Variants in CDYL observed in about 807,000 individuals in gnomAD.
CDYL encodes the protein chromodomain Y-like protein.
A neutral mutation model predicts 47.3 loss-of-function variants in CDYL; 8 were observed. The observed-to-expected ratio is 0.17, with a 90% confidence interval of 0.10 to 0.31. The LOEUF (loss-of-function observed/expected upper bound fraction) is 0.31, where lower values mean the gene tolerates loss of function less well. Ranked by LOEUF, CDYL falls within the 10% of genes least tolerant of loss-of-function variation. The pLI is 1.00. For synonymous variants in CDYL, 266 were observed against 265.0 expected (o/e 1.00, Z -0.04); for missense variants, 471 against 701.4 (o/e 0.67, Z 3.71).
In CDYL at chr6:4,782,178, G is replaced by A. The variant is rs6907680; in HGVS notation, c.24+5371G>A. ...TTGTTAACTGAGTAATTCCAGGAAG[G>A]GAATATTAAAAACATCAGGTAGTTA... On this transcript the variant is annotated intron_variant, in intron 1 of 6. Transcript: ENST00000397588. Among the ~76,000 whole-genome samples, 1,016 of 152,144 alleles carry A rather than the reference G, an allele frequency of 6.7e-3. 18 individuals are homozygous for A. The highest frequency in any genetic ancestry group is 0.023 in the African/African-American group (957 of 41,492).
At chr6:4,776,858 C>T (rs1452391827) in intron 1 of CDYL, 51 bp downstream of exon 1, 13 of 751,296 alleles carry the variant, frequency 1.7e-5, no homozygotes, top group Non-Finnish European at 2.1e-5. Context: ...CCGCCCCTCC[C>T]GGCCCGGCCG....
chr6:4,769,034 A>C (rs941139521), intron 3 of CDYL, among the ~76,000 whole-genome samples: 2 of 152,238 alleles, frequency 1.3e-5, no homozygotes, highest in Non-Finnish European at 2.9e-5. Flanking sequence ...CATCAAAAAC[A>C]AGAAAAGCCT....
chr6:4,784,137 A>G (rs977422633), intron 1 of CDYL, among the ~76,000 whole-genome samples: 14 of 152,202 alleles, frequency 9.2e-5, no homozygotes, highest in African/African-American at 3.4e-4. Flanking sequence ...TTATTCAACC[A>G]TTGAGTTTTA....
chr6:4,941,322 T>A (rs1319990967), intron 4 of CDYL, among the ~76,000 whole-genome samples: 1 of 152,246 alleles, frequency 6.6e-6, no homozygotes, highest in Non-Finnish European at 1.5e-5. Context: ...TGTGCCTTGA[T>A]TTGCAGCTCC....
At chr6:4,824,781 C>A (rs1759932427) in intron 1 of CDYL, among the ~76,000 whole-genome samples, 2 of 151,700 alleles carry the variant, frequency 1.3e-5, no homozygotes, top group South Asian at 4.2e-4. Flanking sequence ...CCAACTGTTT[C>A]TTTTTCAAGA....
intron 1 of CDYL, among the ~76,000 whole-genome samples, chr6:4,785,405 T>G (rs1758729844): frequency 6.6e-6 from 1 of 152,228 alleles, no homozygotes. Context: ...GTAGGCTCTC[T>G]GCTATGTGAA....
rs370203311 is a variant in CDYL at position 4,706,443 on chromosome 6, CATTT to C, written c.-39+193_-39+196del. Reference sequence around the variant, plus strand: ...AGTTTGGGTGGTTTTTTTTTCTTTTCATTTGTTTGTTTGTTTTTTGCCACATCAG... The same window carrying C: ...AGTTTGGGTGGTTTTTTTTTCTTTTCGTTTGTTTGTTTTTTGCCACATCAG... On this transcript the variant is annotated intron_variant, in intron 1 of 8. Coordinates refer to the CDYL transcript ENST00000328908. 1.3e-3 allele frequency among the ~76,000 whole-genome samples: 189 copies of C among 150,726 alleles called. 1 individual carries two copies. The highest frequency in any genetic ancestry group is 4.4e-3 in the African/African-American group (180 of 41,062).
intron 1 of CDYL, among the ~76,000 whole-genome samples, chr6:4,842,652 T>C (rs752981846): frequency 3.3e-5 from 5 of 152,172 alleles, no homozygotes; most frequent in African/African-American, 4.8e-5. Context: ...TAAGTTTATG[T>C]GAGTACTTAT....
chr6:4,721,104 A>C (rs1561822360), intron 2 of CDYL, among the ~76,000 whole-genome samples: 1 of 152,192 alleles, frequency 6.6e-6, no homozygotes, highest in Non-Finnish European at 1.5e-5. Context: ...TATGCTTTTC[A>C]TAATATGTCA....
chr6:4,890,490 A>G (rs1762012714), intron 1 of CDYL, among the ~76,000 whole-genome samples: 1 of 152,154 alleles, frequency 6.6e-6, no homozygotes, highest in Admixed American at 6.5e-5. Context: ...AAGCAATAAT[A>G]TGTATTTAAT....
chr6:4,910,699 C>T lies in CDYL; in HGVS notation c.691+18320C>T, dbSNP rs143136896. Among the ~76,000 whole-genome samples the T allele has an allele frequency of 1.2e-4, 18 of 152,288 alleles. No individual in the cohort carries two copies. The South Asian group carries it at 2.9e-3, about 25-fold the overall frequency. On this transcript the variant is annotated intron_variant, in intron 2 of 6. Transcript: ENST00000397588. ...ACTATGAAGAGGGAAAAGGTGTCTC[C>T]GTGGGCCTGGAAGGATTAGTCGGGT...
At chr6:4,872,597 C>T (rs996014108) in intron 1 of CDYL, among the ~76,000 whole-genome samples, 1 of 152,004 alleles carries the variant, frequency 6.6e-6, no homozygotes, top group African/African-American at 2.4e-5. Context: ...TCAGGCTGGT[C>T]TCAAACTCCT....
chr6:4,709,283 C>T (rs1705403520), intron 1 of CDYL, among the ~76,000 whole-genome samples: 1 of 152,062 alleles, frequency 6.6e-6, no homozygotes, highest in South Asian at 2.1e-4. Flanking sequence ...GCAACCTCCG[C>T]CTCCTGAGTT....
chr6:4,733,750 A>G (rs1465665779), intron 2 of CDYL, among the ~76,000 whole-genome samples: 2 of 152,116 alleles, frequency 1.3e-5, no homozygotes, highest in African/African-American at 4.8e-5. Flanking sequence ...CCAGGCTTGC[A>G]GTCCCTGTTC....
chr6:4,759,862 A>G (rs761761631), intron 3 of CDYL, among the ~76,000 whole-genome samples: 132 of 128,428 alleles, frequency 1.0e-3, no homozygotes, highest in Non-Finnish European at 2.0e-3. Flanking sequence ...CTGGGCAACA[A>G]GAGAGAAACT....
chr6:4,725,310 G>C (rs534005499), intron 2 of CDYL, among the ~76,000 whole-genome samples: 2 of 152,386 alleles, frequency 1.3e-5, no homozygotes, highest in African/African-American at 2.4e-5. Flanking sequence ...CTGCCTGCCA[G>C]TCCTGCGCCT....
At chr6:4,815,961 T>A (rs1759662968) in intron 1 of CDYL, among the ~76,000 whole-genome samples, 1 of 130,248 alleles carries the variant, frequency 7.7e-6, no homozygotes, top group Admixed American at 1.0e-4. Flanking sequence ...TTTCTTTGAG[T>A]ATTTTTATAG....
intron 2 of CDYL, among the ~76,000 whole-genome samples, chr6:4,911,730 G>C (rs1310832288): frequency 6.6e-6 from 1 of 152,070 alleles, no homozygotes; most frequent in Non-Finnish European, 1.5e-5. Flanking sequence ...TAACTTCCTA[G>C]GTTAGTTTTA....
At chr6:4,735,739 A>G (rs1757691063) in intron 3 of CDYL, among the ~76,000 whole-genome samples, 1 of 152,068 alleles carries the variant, frequency 6.6e-6, no homozygotes, top group African/African-American at 2.4e-5. Flanking sequence ...GCACTCTAGC[A>G]CGGGCAACAA....
Sources: allele counts gnomAD v4.1 joint callset (sites outside exome capture counted in the v4.1 genomes callset), GRCh38; gene constraint gnomAD v4.1.1; transcripts MANE v1.5; gene names NCBI Gene and HGNC (gene_info 2026-07-23, HGNC 2026-07-21).